PCOLCE2: variants seen among roughly 807,000 people sequenced by gnomAD.
PCOLCE2 encodes procollagen C-endopeptidase enhancer 2.
A neutral mutation model predicts 47.0 loss-of-function variants in PCOLCE2; 42 were observed. The ratio of observed to expected loss-of-function variants is 0.89; its 90% CI spans 0.70 to 1.16. The LOEUF (loss-of-function observed/expected upper bound fraction) is 1.16. Ranked by LOEUF, PCOLCE2 falls within the 50% of genes most tolerant of loss-of-function variation. The pLI, the probability that PCOLCE2 is intolerant of heterozygous loss-of-function variation, is 0.00. For missense variants in PCOLCE2, 500 were observed against 526.1 expected, an observed-to-expected ratio of 0.95 and a Z score of 0.49; for synonymous variants, 169 against 191.7, an observed-to-expected ratio of 0.88 and a Z score of 0.98.
chr3:142,829,827 T>C lies in PCOLCE2; in HGVS notation c.730A>G (p.Asn244Asp). The part of the protein sequence containing the change: ...SPPAPIVSER[N>D]ELLIQFLSDL... ...GATAAAAACTGAATAAGAAGTTCAT[T>C]TCTCTCAGACACAATTGGCCTAAAA... is the stretch of plus-strand genomic sequence containing the variant. Residue 244 changes from asparagine (N) to aspartate (D), a missense_variant, in exon 6 of 9, where the codon AAT becomes GAT. Asn to Asp is a conservative substitution (Grantham distance 23). Transcript: ENST00000295992. The C allele has an allele frequency of 6.3e-7, 1 of 1,590,230 alleles. No homozygotes were observed. Among genetic ancestry groups the C allele is most frequent in the African/African-American group, 1.3e-5 (1 of 74,540 alleles).
intron 6 of PCOLCE2, among the ~76,000 whole-genome samples, chr3:142,825,026 T>C (rs1306319524): frequency 6.6e-6 from 1 of 152,168 alleles, no homozygotes; most frequent in African/African-American, 2.4e-5. Flanking sequence ...TTAAAATACA[T>C]ATAATAGCTT....
In PCOLCE2 at chr3:142,851,617, A is replaced by C. The variant is rs572610711; in HGVS notation, c.193-3145T>G. 7.9e-5 allele frequency among the ~76,000 whole-genome samples: 12 copies of C among 152,274 alleles called. No homozygotes were observed. In the South Asian group the frequency reaches 2.5e-3, roughly 32 times the overall value. On this transcript the variant is annotated intron_variant, in intron 2 of 8. Transcript: ENST00000295992. ...GGGAGGCTGAGGAACTATGGAGGAT[A>C]AGTTATTTGGCGGAGAAGAGGTTAA...
At position 142,853,194 on chromosome 3, in the gene PCOLCE2, G is replaced by A. The variant is rs569166531; in HGVS notation, c.193-4722C>T. Among the ~76,000 whole-genome samples the A allele has an allele frequency of 2.6e-5, 4 of 151,846 alleles. No homozygotes were observed. The South Asian group carries it at 8.3e-4, about 32-fold the overall frequency. The stretch of plus-strand genomic sequence containing the variant: ...ATTTTCTGGCTGAGGAAGAAGAGAA[G>A]AAGGAAAAATAAAAATACATAGGAC... On this transcript the variant is annotated intron_variant, in intron 2 of 8. Coordinates refer to ENST00000295992, the MANE Select transcript of PCOLCE2 (RefSeq NM_013363.4).
intron 2 of PCOLCE2, among the ~76,000 whole-genome samples, chr3:142,850,864 G>A (rs1932924704): frequency 6.6e-6 from 1 of 152,142 alleles, no homozygotes; most frequent in South Asian, 2.1e-4. Flanking sequence ...GTTTCCTAAG[G>A]CATGTTTGCA....
chr3:142,826,718 G>A (rs114383949), intron 6 of PCOLCE2, among the ~76,000 whole-genome samples: 139 of 152,240 alleles, frequency 9.1e-4, no homozygotes, highest in African/African-American at 3.1e-3. Flanking sequence ...CACTTACATA[G>A]ATTGTGCTGG....
intron 2 of PCOLCE2, among the ~76,000 whole-genome samples, chr3:142,875,605 A>G (rs1031941886): frequency 6.6e-6 from 1 of 152,184 alleles, no homozygotes. Context: ...CTCTGAACAG[A>G]CCGATGAAGA....
chr3:142,867,324 A>G (rs1933305636), intron 2 of PCOLCE2, among the ~76,000 whole-genome samples: 2 of 152,236 alleles, frequency 1.3e-5, no homozygotes, highest in African/African-American at 4.8e-5. Flanking sequence ...CAGACAAGAC[A>G]GCCATATCAG....
At chr3:142,838,989 T>C in intron 4 of PCOLCE2, 83 bp from the exon 5 acceptor site, 2 of 1,097,006 alleles carry the variant, frequency 1.8e-6, no homozygotes, top group Non-Finnish European at 2.7e-6. Context: ...CTCCCCAGAT[T>C]TGGAGGATAC....
At chr3:142,872,356 C>T (rs1339301606) in intron 2 of PCOLCE2, among the ~76,000 whole-genome samples, 1 of 152,148 alleles carries the variant, frequency 6.6e-6, no homozygotes, top group Non-Finnish European at 1.5e-5. Context: ...ATAGGCTTTC[C>T]ATTTCACTCA....
At position 142,829,815 on chromosome 3, in the gene PCOLCE2, T is replaced by G; in HGVS notation, c.742A>C (p.Ile248Leu). 6.3e-7 allele frequency: 1 copy of G among 1,596,900 alleles called. No homozygotes were observed. The highest frequency in any genetic ancestry group is 8.5e-7 in the Non-Finnish European group (1 of 1,169,628). ...AAACTTAAGTCTGATAAAAACTGAATAAGAAGTTCATTTCTCTCAGACACA... is the reference window on the plus strand; with the variant it reads ...AAACTTAAGTCTGATAAAAACTGAAGAAGAAGTTCATTTCTCTCAGACACA... ...PIVSERNELL[I>L]QFLSDLSLTA... Residue 248 changes from isoleucine (I) to leucine (L), a missense_variant, in exon 6 of 9, where the codon ATT becomes CTT. Transcript: ENST00000295992.
At chr3:142,849,015 T>C (rs1361102874) in intron 2 of PCOLCE2, among the ~76,000 whole-genome samples, 2 of 151,598 alleles carry the variant, frequency 1.3e-5, no homozygotes, top group African/African-American at 2.4e-5. Flanking sequence ...TAGCCGGGTG[T>C]GGTGGGGGGC....
rs527707234 is a variant in PCOLCE2, at chr3:142,866,201, T to C, written c.193-17729A>G. ...GCAGATCCATTCTCAACAGTGTGGG[T>C]GCACGTCCTCCAATCTGTTGAGGGC... On this transcript the variant is annotated intron_variant, in intron 2 of 8. Coordinates refer to ENST00000295992, the MANE Select transcript of PCOLCE2 (RefSeq NM_013363.4). 4.6e-5 allele frequency among the ~76,000 whole-genome samples: 7 copies of C among 152,282 alleles called. No individual in the cohort carries two copies. The South Asian group carries it at 1.2e-3, about 27-fold the overall frequency.
intron 2 of PCOLCE2, among the ~76,000 whole-genome samples, chr3:142,877,703 C>T (rs555432578): frequency 1.3e-5 from 2 of 152,332 alleles, no homozygotes; most frequent in South Asian, 2.1e-4. Context: ...GTCAGTCTGA[C>T]TCTCCAATGC....
chr3:142,879,970 CAA>C (rs772887718), intron 2 of PCOLCE2, among the ~76,000 whole-genome samples: 5,456 of 53,140 alleles, frequency 0.1, 252 homozygotes, highest in African/African-American at 0.25. Context: ...GACTCCATCT[CAA>C]AAAAAAAAAA....
intron 2 of PCOLCE2, among the ~76,000 whole-genome samples, chr3:142,868,810 T>C (rs912970496): frequency 6.6e-6 from 1 of 152,232 alleles, no homozygotes; most frequent in African/African-American, 2.4e-5. Flanking sequence ...TGCTCACCAT[T>C]GCTCCATCTG....
intron 2 of PCOLCE2, among the ~76,000 whole-genome samples, chr3:142,873,256 G>A (rs1465887032): frequency 2.0e-5 from 3 of 151,928 alleles, no homozygotes; most frequent in Non-Finnish European, 4.4e-5. Flanking sequence ...AGCCAAGTGT[G>A]GTGGCAGGTG....
chr3:142,834,116 TG>T (rs1937179508), intron 5 of PCOLCE2, among the ~76,000 whole-genome samples: 1 of 152,236 alleles, frequency 6.6e-6, no homozygotes, highest in Non-Finnish European at 1.5e-5. Flanking sequence ...CATGTGGATA[TG>T]TTTCTGGCCT....
chr3:142,885,082 T>G (rs984615150), intron 2 of PCOLCE2, among the ~76,000 whole-genome samples: 4 of 152,244 alleles, frequency 2.6e-5, no homozygotes, highest in African/African-American at 9.6e-5. Flanking sequence ...CAGGCTGTAC[T>G]TTCGCATCAG....
chr3:142,828,123 C>T (rs1391914746), intron 6 of PCOLCE2, among the ~76,000 whole-genome samples: 2 of 152,208 alleles, frequency 1.3e-5, no homozygotes, highest in African/African-American at 4.8e-5. Flanking sequence ...CCACAGTGAT[C>T]TTTGTAAAAT....
Sources: gnomAD v4.1 joint callset for allele counts (sites outside exome capture counted in the v4.1 genomes callset) on GRCh38, gnomAD v4.1.1 for gene constraint, MANE v1.5 for transcripts, NCBI Gene and HGNC (gene_info 2026-07-23, HGNC 2026-07-21) for gene names.